KCNC2: variants seen among roughly 807,000 people sequenced by gnomAD.
KCNC2 encodes the protein voltage-gated potassium channel KCNC2.
A neutral mutation model predicts 44.5 loss-of-function variants in KCNC2; 21 were observed. That is an observed-to-expected ratio of 0.47 (90% CI 0.33 to 0.68). The LOEUF is 0.68. KCNC2 is among the 30% of genes least tolerant of loss of function. KCNC2 has a pLI of 0.01. For missense variants in KCNC2, 589 were observed against 826.2 expected, an observed-to-expected ratio of 0.71 and a Z score of 3.52; for synonymous variants, 391 against 339.1, an observed-to-expected ratio of 1.15 and a Z score of -1.68.
At chr12:75,047,022 A>G (rs992134487) in intron 4 of KCNC2, among the ~76,000 whole-genome samples, 1 of 152,060 alleles carries the variant, frequency 6.6e-6, no homozygotes, top group African/African-American at 2.4e-5. Flanking sequence ...AGAAACTCCA[A>G]TGAATAACAA....
At chr12:75,150,235 T>C (rs538955864) in intron 2 of KCNC2, among the ~76,000 whole-genome samples, 58 of 151,984 alleles carry the variant, frequency 3.8e-4, no homozygotes, top group Non-Finnish European at 6.9e-4. Flanking sequence ...AAAAATAAAA[T>C]AACCTCAATG....
intron 2 of KCNC2, among the ~76,000 whole-genome samples, chr12:75,063,197 C>T (rs1425728059): frequency 3.3e-5 from 5 of 151,940 alleles, no homozygotes; most frequent in African/African-American, 7.2e-5. Flanking sequence ...GCAAATCAGC[C>T]ATATAAGGAT....
chr12:75,135,022 T>C (rs1483188400), intron 2 of KCNC2, among the ~76,000 whole-genome samples: 1 of 152,076 alleles, frequency 6.6e-6, no homozygotes, highest in Admixed American at 6.5e-5. Context: ...TCATTTTTAC[T>C]TTAAATAAAT....
intron 2 of KCNC2, among the ~76,000 whole-genome samples, chr12:75,151,044 A>G (rs5024164): frequency 0.5 from 76,270 of 151,698 alleles, 20,868 homozygotes; most frequent in African/African-American, 0.71. Flanking sequence ...TTTTTATCTT[A>G]ACAGTTTTTG....
At chr12:75,203,271 A>G (rs894312849) in intron 2 of KCNC2, among the ~76,000 whole-genome samples, 3 of 151,822 alleles carry the variant, frequency 2.0e-5, no homozygotes, top group Admixed American at 6.6e-5. Flanking sequence ...GCGAAGAGGA[A>G]AAAGTGGCCC....
At chr12:75,185,979 G>A (rs1593053817) in intron 2 of KCNC2, among the ~76,000 whole-genome samples, 1 of 151,830 alleles carries the variant, frequency 6.6e-6, no homozygotes, top group Non-Finnish European at 1.5e-5. Flanking sequence ...CCAGAAGGTG[G>A]AGGTTGCAGT....
intron 2 of KCNC2, among the ~76,000 whole-genome samples, chr12:75,122,905 T>G (rs1033395353): frequency 3.3e-5 from 5 of 152,190 alleles, no homozygotes; most frequent in Admixed American, 3.3e-4. Flanking sequence ...TCAGGTCTTA[T>G]GCCAATCTGC....
chr12:75,138,737 G>C (rs1415722201), intron 2 of KCNC2, among the ~76,000 whole-genome samples: 1 of 151,970 alleles, frequency 6.6e-6, no homozygotes, highest in Non-Finnish European at 1.5e-5. Context: ...TCCCAGCACT[G>C]TGGGAGGCCG....
At chr12:75,105,644 G>A (rs552857459) in intron 2 of KCNC2, among the ~76,000 whole-genome samples, 116 of 152,248 alleles carry the variant, frequency 7.6e-4, no homozygotes, top group African/African-American at 2.6e-3. Flanking sequence ...CTAAGGAATC[G>A]AATGTAAAGA....
chr12:75,063,600 G>T (rs1008536186), intron 2 of KCNC2, among the ~76,000 whole-genome samples: 7 of 152,018 alleles, frequency 4.6e-5, no homozygotes, highest in African/African-American at 1.7e-4. Flanking sequence ...TGGTGGGGGA[G>T]AGCTGAATAG....
In KCNC2 at chr12:75,042,765, T is replaced by C. The variant is rs932728438; in HGVS notation, c.*340A>G. 5 of 1,152,792 alleles carry C rather than the reference T, an allele frequency of 4.3e-6. No individual in the cohort carries two copies. Among genetic ancestry groups the C allele is most frequent in the Non-Finnish European group, 5.3e-6 (5 of 936,352 alleles). The allele number at this position is 1,152,792 out of a possible 1,614,324, so 71.4% of individuals were successfully genotyped here. On this transcript the variant is annotated 3_prime_UTR_variant, in exon 5 of 5. Coordinates refer to ENST00000549446, the MANE Select transcript of KCNC2 (RefSeq NM_139137.4). ...AGAAATAAAGTTCCAATGAAGTGGT[T>C]GGCATTTGGAAGCACACTGTTTTAA...
intron 2 of KCNC2, among the ~76,000 whole-genome samples, chr12:75,094,232 A>T (rs1480147105): frequency 2.6e-5 from 4 of 151,728 alleles, no homozygotes; most frequent in African/African-American, 9.7e-5. Context: ...TACAAATGAT[A>T]TATTAAAAAT....
intron 2 of KCNC2, among the ~76,000 whole-genome samples, chr12:75,174,870 C>T (rs1179517886): frequency 2.0e-5 from 3 of 151,846 alleles, no homozygotes; most frequent in Non-Finnish European, 4.4e-5. Context: ...TCTGAGCAAA[C>T]ATCTATTTAT....
At chr12:75,130,323 T>C (rs1888743845) in intron 2 of KCNC2, among the ~76,000 whole-genome samples, 1 of 152,212 alleles carries the variant, frequency 6.6e-6, no homozygotes, top group Non-Finnish European at 1.5e-5. Flanking sequence ...ATAACATTTA[T>C]AATGGCATAA....
intron 2 of KCNC2, among the ~76,000 whole-genome samples, chr12:75,149,551 C>T (rs751229040): frequency 6.6e-6 from 1 of 151,728 alleles, no homozygotes; most frequent in Non-Finnish European, 1.5e-5. Flanking sequence ...AAGAAATGAT[C>T]AGCGGATGTG....
chr12:75,077,367 G>A (rs750054408), intron 2 of KCNC2, among the ~76,000 whole-genome samples: 1 of 152,034 alleles, frequency 6.6e-6, no homozygotes, highest in African/African-American at 2.4e-5. Flanking sequence ...GGTTCTGAAT[G>A]ACTCATACAA....
chr12:75,071,656 A>G (rs1485926893), intron 2 of KCNC2, among the ~76,000 whole-genome samples: 1 of 152,194 alleles, frequency 6.6e-6, no homozygotes, highest in Non-Finnish European at 1.5e-5. Context: ...CTCTTGACGG[A>G]AGAATTAACT....
rs1880748922 is a variant in KCNC2 at position 75,048,200 on chromosome 12, A to G, written c.1733T>C (p.Leu578Pro). 4 of 1,613,060 alleles carry G rather than the reference A, an allele frequency of 2.5e-6. No individual in the cohort carries two copies. The South Asian group carries it at 3.3e-5, about 13-fold the overall frequency. Residue 578 changes from leucine to proline, a missense_variant, in exon 4 of 5, where the codon CTG becomes CCG. Physicochemically the swap from Leu to Pro is moderately conservative, Grantham distance 98 (BLOSUM62 -3). Coordinates refer to ENST00000549446, the MANE Select transcript of KCNC2 (RefSeq NM_139137.4). ...KNRRGETCFL[L>P]TTGDYTCASD... is the part of the protein sequence containing the mutation. ...AGCACACGTGTAATCACCTGTCGTC[A>G]GTAGGAAACATGTTTCCCCTCTTCT...
At chr12:75,177,032 TTATA>T (rs3073537) in intron 2 of KCNC2, among the ~76,000 whole-genome samples, 10,155 of 139,802 alleles carry the variant, frequency 0.073, 454 homozygotes, top group Admixed American at 0.14. Flanking sequence ...GCTGCAAGTT[TTATA>T]TATATATATA....
Sources: gnomAD v4.1 joint callset for allele counts (sites outside exome capture counted in the v4.1 genomes callset) on GRCh38, gnomAD v4.1.1 for gene constraint, MANE v1.5 for transcripts, NCBI Gene and HGNC (gene_info 2026-07-23, HGNC 2026-07-21) for gene names.